Variants in ITPR2 observed in about 807,000 individuals in gnomAD.
ITPR2 encodes inositol 1,4,5-trisphosphate-gated calcium channel ITPR2.
A neutral mutation model predicts 317.1 loss-of-function variants in ITPR2; 207 were observed. The observed-to-expected ratio is 0.65, with a 90% CI of 0.58 to 0.73. The LOEUF is 0.73. Ranked by LOEUF, ITPR2 falls within the 30% of genes least tolerant of loss-of-function variation. The pLI is 0.00. For synonymous variants in ITPR2, 1,156 were observed against 1,149.1 expected (o/e 1.01, Z -0.12); for missense variants, 2,613 against 3,284.0 (o/e 0.80, Z 4.99).
chr12:26,468,665 GA>G (rs1361798788), intron 45 of ITPR2, among the ~76,000 whole-genome samples: 2 of 151,448 alleles, frequency 1.3e-5, no homozygotes, highest in Non-Finnish European at 2.9e-5. Context: ...GATAGTAACA[GA>G]AAAATATCTT....
Position 26,654,077 on chromosome 12 carries a change from C to T in ITPR2, c.2639G>A (p.Ser880Asn), listed in dbSNP as rs560212242. Residue 880 changes from serine (S) to asparagine (N), a missense_variant, in exon 21 of 57, where the codon AGT becomes AAT. Ser to Asn is a conservative substitution (Grantham distance 46). Around this residue, in one of 9 missense-constraint regions of ITPR2, gnomAD observed 817 missense variants for 897.6 expected, o/e 0.91. Transcript: ENST00000381340. ...TGTTCTTGTTAGCCTTAATAACTCA[C>T]TGAAACTATAAAATCCAAAGTATAT... ...NLIYFGFYSF[S>N]ELLRLTRTLL... is the part of the protein sequence containing the mutation. 8.3e-6 allele frequency: 12 copies of T among 1,440,576 alleles called. No individual in the cohort carries two copies. The highest frequency in any genetic ancestry group is 1.0e-5 in the Non-Finnish European group (11 of 1,078,444). The allele number at this position is 1,440,576 out of a possible 1,614,324, so 89.2% of individuals were successfully genotyped here.
At chr12:26,721,283 T>C (rs951827300) in intron 5 of ITPR2, 6 of 595,294 alleles carry the variant, frequency 1.0e-5, no homozygotes, top group African/African-American at 5.5e-5. Context: ...TACCAAACCT[T>C]ACCAAAGGAA....
chr12:26,787,841 T>C (rs1438427427), intron 2 of ITPR2, among the ~76,000 whole-genome samples: 1 of 151,658 alleles, frequency 6.6e-6, no homozygotes, highest in Non-Finnish European at 1.5e-5. Flanking sequence ...AATCCTGCTC[T>C]TGAAGAGGCA....
At chr12:26,691,065 CTT>C (rs1168074847) in intron 10 of ITPR2, among the ~76,000 whole-genome samples, 2 of 152,202 alleles carry the variant, frequency 1.3e-5, no homozygotes, top group Admixed American at 1.3e-4. Flanking sequence ...TGCTTTCACT[CTT>C]TTGCACTCTG....
chr12:26,335,506 A>G lies in ITPR2; in HGVS notation c.*3891T>C, dbSNP rs951478074. 6.6e-6 allele frequency among the ~76,000 whole-genome samples: 1 copy of G among 152,202 alleles called. No individual in the cohort carries two copies. The highest frequency in any genetic ancestry group is 6.5e-5 in the Admixed American group (1 of 15,284). On this transcript the variant is annotated 3_prime_UTR_variant, in exon 57 of 57. Transcript: ENST00000381340. ...AAATACTGGTGTGATAATTTCATAA[A>G]TTATTCAAGTCTGTGGAAACACTCC...
intron 36 of ITPR2, among the ~76,000 whole-genome samples, chr12:26,551,615 C>T (rs560522354): frequency 6.6e-6 from 1 of 152,310 alleles, no homozygotes; most frequent in African/African-American, 2.4e-5. Flanking sequence ...GTGAACCAGA[C>T]ATGAAACCAC....
chr12:26,748,050 C>T (rs544493401), intron 2 of ITPR2, among the ~76,000 whole-genome samples: 1 of 152,072 alleles, frequency 6.6e-6, no homozygotes, highest in African/African-American at 2.4e-5. Context: ...TTCCTAAGAG[C>T]TTTTTGTTTG....
chr12:26,661,902 A>G (rs954583181), intron 15 of ITPR2, among the ~76,000 whole-genome samples: 2 of 152,184 alleles, frequency 1.3e-5, no homozygotes, highest in African/African-American at 4.8e-5. Flanking sequence ...TCTTCTTCCA[A>G]AAAAATATGA....
chr12:26,575,565 T>C (rs909721782), intron 34 of ITPR2, among the ~76,000 whole-genome samples: 1 of 152,080 alleles, frequency 6.6e-6, no homozygotes, highest in African/African-American at 2.4e-5. Flanking sequence ...ACCTCACTCT[T>C]CACCTATCTT....
intron 11 of ITPR2, among the ~76,000 whole-genome samples, chr12:26,684,768 C>T (rs1296432300): frequency 6.6e-6 from 1 of 152,092 alleles, no homozygotes; most frequent in African/African-American, 2.4e-5. Flanking sequence ...TTTCCTTAAG[C>T]AAATTCTCTT....
chr12:26,715,909 G>T, intron 6 of ITPR2, 74 bp from the exon 7 acceptor site: 2 of 1,089,066 alleles, frequency 1.8e-6, no homozygotes, highest in Non-Finnish European at 2.8e-6. Flanking sequence ...AGTTCAACTA[G>T]TAAAAGGAAA....
chr12:26,744,627 C>T (rs1416487538), intron 2 of ITPR2, among the ~76,000 whole-genome samples: 1 of 152,036 alleles, frequency 6.6e-6, no homozygotes. Flanking sequence ...ATAAAAAAAA[C>T]ATTAGTTATA....
rs10687003 is a variant in ITPR2, at chr12:26,455,344, TAAAA to T, written c.6343-11698_6343-11695del. ...GTTTAACTGTCTAATCAACAGCTGC[TAAAA>T]AAAAAAAAAAAAAAAAAAAAAAGGT... is the stretch of plus-strand genomic sequence containing the variant. On this transcript the variant is annotated intron_variant, in intron 45 of 56. Transcript: ENST00000381340. 1.1e-3 allele frequency among the ~76,000 whole-genome samples: 72 copies of T among 66,370 alleles called. 1 individual carries two copies. The highest frequency in any genetic ancestry group is 3.8e-3 in the African/African-American group (65 of 16,958). The allele number at this position is 66,370 out of a possible 152,430, so 43.5% of individuals were successfully genotyped here. A position where few individuals can be genotyped will look rare whatever the true frequency, so the allele number is the denominator to read the frequency against.
rs1947374460 is a variant in ITPR2, at chr12:26,656,653, A to C, written c.2193-105T>G. 4.3e-6 allele frequency: 5 copies of C among 1,158,106 alleles called. No individual in the cohort carries two copies. The Admixed American group carries it at 1.1e-4, about 25-fold the overall frequency. The allele number at this position is 1,158,106 out of a possible 1,614,324, so 71.7% of individuals were successfully genotyped here. A position where few individuals can be genotyped will look rare whatever the true frequency, so the allele number is the denominator to read the frequency against. ...GTTTAAGACACCTGTATTTCCAAGC[A>C]TTCATGATATTGGAGTCAAACTCTT... On this transcript the variant is annotated intron_variant, in intron 18 of 56. Transcript: ENST00000381340.
chr12:26,628,210 A>ATT (rs749644156), intron 22 of ITPR2, 48 bp from the exon 23 acceptor site: 9 of 1,472,918 alleles, frequency 6.1e-6, no homozygotes, highest in Non-Finnish European at 7.4e-6. Context: ...TTAGCATAGT[A>ATT]TTTAAAAATG....
intron 2 of ITPR2, among the ~76,000 whole-genome samples, chr12:26,767,671 C>T (rs545772763): frequency 2.0e-5 from 3 of 152,312 alleles, no homozygotes; most frequent in Admixed American, 2.0e-4. Context: ...ATTATATACA[C>T]AGTTTCACAT....
At chr12:26,631,768 CAG>C in intron 22 of ITPR2, 96 bp downstream of exon 22, 1 of 1,016,132 alleles carries the variant, frequency 9.8e-7, no homozygotes, top group East Asian at 2.5e-5. Flanking sequence ...GATAGCATTT[CAG>C]AATATTTACA....
chr12:26,610,768 C>A (rs1435907339), intron 26 of ITPR2, among the ~76,000 whole-genome samples: 1 of 152,252 alleles, frequency 6.6e-6, no homozygotes, highest in Non-Finnish European at 1.5e-5. Context: ...GGAATAGCAT[C>A]CCTCATGCCC....
In ITPR2 at chr12:26,822,587, T is replaced by G. The variant is rs1016871061; in HGVS notation, c.92+10103A>C. ...AGGCATTTATAAAATTCTAATTAAG[T>G]TCATGATTCATGAAGAAAAACTACT... On this transcript the variant is annotated intron_variant, in intron 1 of 56. Transcript: ENST00000381340. 3.9e-5 allele frequency among the ~76,000 whole-genome samples: 6 copies of G among 152,188 alleles called. No individual in the cohort carries two copies. The East Asian group carries it at 1.2e-3, about 29-fold the overall frequency.
Sources: gnomAD v4.1 joint callset for allele counts (sites outside exome capture counted in the v4.1 genomes callset) on GRCh38, gnomAD v4.1.1 for gene constraint, gnomAD v4.1.1 regional missense constraint, MANE v1.5 for transcripts, NCBI Gene and HGNC (gene_info 2026-07-23, HGNC 2026-07-21) for gene names.